Variants in SNX8 observed in about 807,000 individuals in gnomAD.
SNX8 encodes sorting nexin-8.
A neutral mutation model predicts 51.6 loss-of-function variants in SNX8; 25 were observed. That is an observed-to-expected ratio of 0.48 (90% CI 0.35 to 0.68). SNX8 has a LOEUF of 0.68. Among genes scored for constraint, SNX8 ranks in the 30% least tolerant of loss-of-function variants. The pLI is 0.00. For synonymous variants in SNX8, 324 were observed against 277.0 expected (o/e 1.17, Z -1.68); for missense variants, 695 against 624.0 (o/e 1.11, Z -1.21).
At chr7:2,347,480 C>CAAA (rs749495262) in intron 1 of SNX8, among the ~76,000 whole-genome samples, 8 of 39,280 alleles carry the variant, frequency 2.0e-4, no homozygotes, top group East Asian at 6.3e-4. Flanking sequence ...GATGCTGTCT[C>CAAA]AAAAAAAAAA....
chr7:2,269,005 G>A (rs1216235978), intron 5 of SNX8, among the ~76,000 whole-genome samples: 1,392 of 136,870 alleles, frequency 0.01, 12 homozygotes, highest in African/African-American at 0.035. Context: ...CCCTCTGCCC[G>A]GCCACCACCC....
intron 1 of SNX8, among the ~76,000 whole-genome samples, chr7:2,285,400 A>T (rs1023772673): frequency 3.3e-5 from 5 of 152,116 alleles, no homozygotes; most frequent in Non-Finnish European, 7.4e-5. Flanking sequence ...AAACAAAAAA[A>T]CTTTCTCTAA....
chr7:2,320,703 GAC>G (rs1796817770), intron 1 of SNX8, among the ~76,000 whole-genome samples: 1 of 152,088 alleles, frequency 6.6e-6, no homozygotes, highest in African/African-American at 2.4e-5. Context: ...CAGTCTGGAT[GAC>G]AGAGTGAGGC....
rs570969607 is a variant in SNX8, at chr7:2,338,667, A to C, written c.-66+15555T>G. On this transcript the variant is annotated intron_variant, in intron 1 of 5. Transcript: ENST00000435336. ...AAAATATTGGGAAGGAAGAAATACA[A>C]TGATTGCTAATCTCAAATAACAGGG... 1.5e-4 allele frequency among the ~76,000 whole-genome samples: 23 copies of C among 152,228 alleles called. No homozygotes were observed. In the South Asian group the frequency reaches 4.8e-3, roughly 32 times the overall value.
intron 1 of SNX8, among the ~76,000 whole-genome samples, chr7:2,279,269 GCCGGA>G: frequency 7.4e-6 from 1 of 134,700 alleles, no homozygotes; most frequent in African/African-American, 2.8e-5. Context: ...CGGAGTCGAA[GCCGGA>G]CTCACTCACA....
chr7:2,298,066 A>G (rs1279038105), intron 1 of SNX8, among the ~76,000 whole-genome samples: 2 of 152,086 alleles, frequency 1.3e-5, no homozygotes, highest in African/African-American at 4.8e-5. Flanking sequence ...AAAAAAACAC[A>G]AAAAATGTTA....
chr7:2,278,065 C>T, intron 2 of SNX8, 35 bp downstream of exon 2: 4 of 1,601,150 alleles, frequency 2.5e-6, no homozygotes, highest in Non-Finnish European at 2.6e-6. Context: ...TTTCTTCCCC[C>T]TCCTGCCCCG....
intron 1 of SNX8, 137 bp from the exon 2 acceptor site, chr7:2,278,442 A>G (rs1293495334): frequency 1.2e-5 from 7 of 589,326 alleles, no homozygotes; most frequent in African/African-American, 1.9e-5. Flanking sequence ...CCTGGAGTTC[A>G]AGACCAGCCT....
chr7:2,257,234 C>T, intron 9 of SNX8, 131 bp downstream of exon 9: 1 of 1,216,900 alleles, frequency 8.2e-7, no homozygotes, highest in Non-Finnish European at 1.1e-6. Flanking sequence ...CTCCCTGCCT[C>T]CACTGCACCC....
chr7:2,298,110 T>C (rs1399644208), intron 1 of SNX8, among the ~76,000 whole-genome samples: 1 of 151,926 alleles, frequency 6.6e-6, no homozygotes, highest in Non-Finnish European at 1.5e-5. Context: ...GCCCAAGCTT[T>C]TCTTTATTCT....
intron 1 of SNX8, among the ~76,000 whole-genome samples, chr7:2,327,100 C>T (rs762068065): frequency 2.6e-5 from 4 of 152,150 alleles, no homozygotes; most frequent in Non-Finnish European, 5.9e-5. Context: ...AGGATTCCTT[C>T]TTGCTTCTTC....
chr7:2,255,295 A>G (rs1236939523), intron 10 of SNX8, 126 bp from the exon 11 acceptor site: 1 of 624,246 alleles, frequency 1.6e-6, no homozygotes, highest in Non-Finnish European at 2.8e-6. Context: ...CAGCTCCTCA[A>G]ACCTCTGGCA....
chr7:2,265,120 C>G (rs1402566737), intron 5 of SNX8, among the ~76,000 whole-genome samples: 2 of 152,118 alleles, frequency 1.3e-5, no homozygotes, highest in Non-Finnish European at 2.9e-5. Context: ...TTTGGGAGGC[C>G]GAGTAGGGCG....
At chr7:2,353,947 C>G (rs770837916) in intron 1 of SNX8, 1 of 152,256 alleles carries the variant, frequency 6.6e-6, no homozygotes, top group African/African-American at 2.4e-5. Flanking sequence ...AGTGGTTGTC[C>G]TCCACTCCGG....
upstream of SNX8, among the ~76,000 whole-genome samples, chr7:2,318,523 CA>C (rs540609640): frequency 3.3e-3 from 369 of 112,046 alleles, 1 homozygote; most frequent in African/African-American, 8.9e-3. Flanking sequence ...AACTCTGTCT[CA>C]AAAAAAAAAA....
At chr7:2,277,222 C>G (rs1795800598) in intron 2 of SNX8, among the ~76,000 whole-genome samples, 1 of 152,198 alleles carries the variant, frequency 6.6e-6, no homozygotes, top group Non-Finnish European at 1.5e-5. Flanking sequence ...GACAACGAAG[C>G]AAGGGACAGA....
chr7:2,299,946 T>C (rs1391719000), intron 1 of SNX8, among the ~76,000 whole-genome samples: 5 of 152,136 alleles, frequency 3.3e-5, no homozygotes, highest in Admixed American at 2.0e-4. Flanking sequence ...GATTGATCTA[T>C]GGCAAGCACA....
At chr7:2,258,331 A>G (rs988672867) in intron 7 of SNX8, among the ~76,000 whole-genome samples, 1 of 152,058 alleles carries the variant, frequency 6.6e-6, no homozygotes, top group African/African-American at 2.4e-5. Context: ...AGCAGTCTTG[A>G]TGGGAACAAG....
intron 1 of SNX8, among the ~76,000 whole-genome samples, chr7:2,300,913 G>A (rs1214579267): frequency 6.6e-6 from 1 of 152,132 alleles, no homozygotes; most frequent in Non-Finnish European, 1.5e-5. Flanking sequence ...AAAGTGCTGG[G>A]ATTACAGGCG....
Sources: gnomAD v4.1 joint callset for allele counts (sites outside exome capture counted in the v4.1 genomes callset) on GRCh38, gnomAD v4.1.1 for gene constraint, MANE v1.5 for transcripts, NCBI Gene and HGNC (gene_info 2026-07-23, HGNC 2026-07-21) for gene names.